Variants in CAMTA1 observed in about 807,000 individuals in gnomAD.
CAMTA1 encodes the protein calmodulin-binding transcription activator 1.
CAMTA1 carries 27 observed loss-of-function variants against 170.9 expected under a neutral mutation model. The observed-to-expected ratio is 0.16, with a 90% CI of 0.12 to 0.22. The LOEUF (loss-of-function observed/expected upper bound fraction) is 0.22. CAMTA1 is among the 10% of genes least tolerant of loss of function. The probability of loss-of-function intolerance (pLI) is 1.00; values close to 1 mark genes in which losing one functional copy is unlikely to be tolerated. For synonymous variants in CAMTA1, 833 were observed against 891.5 expected, an observed-to-expected ratio of 0.93 and a Z score of 1.17; for missense variants, 1,619 against 2,217.2, an observed-to-expected ratio of 0.73 and a Z score of 5.42.
chr1:6,904,966 A>G (rs1477959853), intron 3 of CAMTA1, among the ~76,000 whole-genome samples: 2 of 151,080 alleles, frequency 1.3e-5, no homozygotes, highest in African/African-American at 4.9e-5. Context: ...TCTTTCTCCA[A>G]CAGGTTATTC....
At position 7,664,730 on chromosome 1, in the gene CAMTA1, G is replaced by A. The variant is rs140089643; in HGVS notation, c.2183G>A (p.Arg728Gln). Reference sequence around the variant, plus strand: ...CAGCCGGAGACCAACGGGGTAATCCGAAGCGCCGGCGGCGTCCCCATCCTC... The same window carrying A: ...CAGCCGGAGACCAACGGGGTAATCCAAAGCGCCGGCGGCGTCCCCATCCTC... ...YLQPETNGVIRSAGGVPILPG... is the reference protein window; with the variant it reads ...YLQPETNGVIQSAGGVPILPG... The change falls in exon 9 of 23, where the codon CGA (arginine) becomes CAA (glutamine). Residue 728 changes from arginine to glutamine, a missense_variant. Physicochemically the swap from Arg to Gln is conservative, Grantham distance 43. Around this residue, in one of 8 missense-constraint regions of CAMTA1, gnomAD observed 731 missense variants for 907.6 expected, o/e 0.81. Coordinates refer to ENST00000303635, the MANE Select transcript of CAMTA1 (RefSeq NM_015215.4). 4.5e-5 allele frequency: 72 copies of A among 1,608,258 alleles called. No individual in the cohort carries two copies. The highest frequency in any genetic ancestry group is 7.7e-5 in the South Asian group (7 of 90,854).
At chr1:7,637,939 C>T (rs1407967082) in intron 6 of CAMTA1, among the ~76,000 whole-genome samples, 1 of 152,216 alleles carries the variant, frequency 6.6e-6, no homozygotes, top group Non-Finnish European at 1.5e-5. Flanking sequence ...TCCAGAAAAG[C>T]CGCCATTAAG....
chr1:7,577,567 T>G (rs1438592765), intron 6 of CAMTA1, among the ~76,000 whole-genome samples: 1 of 152,172 alleles, frequency 6.6e-6, no homozygotes, highest in South Asian at 2.1e-4. Flanking sequence ...CAACCCTTTT[T>G]TTTTTTAAGC....
At chr1:7,218,720 A>G (rs75256738) in intron 4 of CAMTA1, among the ~76,000 whole-genome samples, 2,327 of 152,130 alleles carry the variant, frequency 0.015, 38 homozygotes, top group Admixed American at 0.042. Context: ...TAAACTCTCC[A>G]TGCTCGACGT....
rs1341126263 is a variant in CAMTA1, at chr1:7,325,750, T to TA, written c.438+76125dup. Among the ~76,000 whole-genome samples, 1 of 152,216 alleles carries TA rather than the reference T, an allele frequency of 6.6e-6. No individual in the cohort carries two copies. Among genetic ancestry groups the TA allele is most frequent in the Non-Finnish European group, 1.5e-5 (1 of 68,038 alleles). ...AAGCATGGGAGATCTGCTGTGGACA[T>TA]ACTGCATTTGAGATGCCTCAAAAAT... is the stretch of plus-strand genomic sequence containing the variant. On this transcript the variant is annotated intron_variant, in intron 5 of 22. Coordinates refer to ENST00000303635, the MANE Select transcript of CAMTA1 (RefSeq NM_015215.4). The surrounding 1 kb of genome is among the most constrained non-coding windows in gnomAD (Gnocchi z 5.0).
chr1:7,673,713 A>C lies in CAMTA1; in HGVS notation c.2779+2676A>C, dbSNP rs1452931746. The stretch of plus-strand genomic sequence containing the variant: ...ACTCTGTCTTCAGCTAACTCCACAA[A>C]GGGGGCCTCCTTTGGACATCTCTGC... On this transcript the variant is annotated intron_variant, in intron 10 of 22. Transcript: ENST00000303635. The surrounding 1 kb of genome is among the most constrained non-coding windows in gnomAD (Gnocchi z 4.6). Among the ~76,000 whole-genome samples the C allele has an allele frequency of 6.6e-6, 1 of 152,214 alleles. No individual in the cohort carries two copies. The highest frequency in any genetic ancestry group is 1.5e-5 in the Non-Finnish European group (1 of 68,042).
At chr1:7,499,168 ATG>A (rs1275967202) in intron 6 of CAMTA1, among the ~76,000 whole-genome samples, 2 of 20,120 alleles carry the variant, frequency 9.9e-5, no homozygotes, top group Non-Finnish European at 1.7e-4. Context: ...GTGTGTGTGC[ATG>A]TGTGTCCATG....
Position 6,954,954 on chromosome 1 carries a change from T to C in CAMTA1, c.234+129744T>C, listed in dbSNP as rs1689178515. 1.3e-5 allele frequency among the ~76,000 whole-genome samples: 2 copies of C among 152,278 alleles called. 1 individual carries two copies. Among genetic ancestry groups the C allele is most frequent in the South Asian group, 4.1e-4 (2 of 4,826 alleles). ...TGTGCCTGTTTTCCAGGTCACCGTT[T>C]CGATTTCGCTTCACTTCCTAGTGTT... On this transcript the variant is annotated intron_variant, in intron 3 of 22. Transcript: ENST00000303635.
intron 5 of CAMTA1, among the ~76,000 whole-genome samples, chr1:7,437,418 G>T (rs1028528937): frequency 1.3e-5 from 2 of 152,164 alleles, no homozygotes; most frequent in Admixed American, 1.3e-4. Flanking sequence ...GCTGGGAGAA[G>T]CCTCATCTGA....
intron 5 of CAMTA1, among the ~76,000 whole-genome samples, chr1:7,280,220 C>G (rs780050563): frequency 2.6e-5 from 4 of 152,246 alleles, no homozygotes; most frequent in Non-Finnish European, 5.9e-5. Flanking sequence ...ACACTCATTT[C>G]CTTTGCCCCA....
intron 3 of CAMTA1, among the ~76,000 whole-genome samples, chr1:7,008,906 A>T (rs1213167894): frequency 2.0e-5 from 3 of 152,252 alleles, no homozygotes; most frequent in African/African-American, 7.2e-5. Context: ...TTAATGTTTT[A>T]GTGTTAGAGA....
At chr1:7,632,667 G>A (rs910431890) in intron 6 of CAMTA1, among the ~76,000 whole-genome samples, 2 of 152,266 alleles carry the variant, frequency 1.3e-5, no homozygotes, top group South Asian at 2.1e-4. Context: ...TGGAGGAGCC[G>A]AGGCCAGGGC....
chr1:6,865,839 A>AC (rs1482310633), intron 3 of CAMTA1, among the ~76,000 whole-genome samples: 1 of 152,148 alleles, frequency 6.6e-6, no homozygotes, highest in Non-Finnish European at 1.5e-5. Flanking sequence ...TATAACCTGA[A>AC]CCCAGGTTCA....
intron 5 of CAMTA1, among the ~76,000 whole-genome samples, chr1:7,386,922 C>T (rs2088070766): frequency 6.6e-6 from 1 of 152,226 alleles, no homozygotes; most frequent in South Asian, 2.1e-4. Context: ...ACGTTCAGTG[C>T]TGCTGCCTGC....
chr1:7,186,327 TATA>T (rs1653260257), intron 4 of CAMTA1, among the ~76,000 whole-genome samples: 1 of 152,212 alleles, frequency 6.6e-6, no homozygotes, highest in Admixed American at 6.5e-5. Context: ...AGTGGGCTAG[TATA>T]ATATCTTTCT....
At chr1:7,068,295 A>G (rs1260062886) in intron 3 of CAMTA1, among the ~76,000 whole-genome samples, 1 of 152,014 alleles carries the variant, frequency 6.6e-6, no homozygotes, top group Non-Finnish European at 1.5e-5. Flanking sequence ...CAAGACGCTT[A>G]AGATGCTTGG....
chr1:7,152,795 C>T (rs1387053109), intron 4 of CAMTA1, among the ~76,000 whole-genome samples: 1 of 152,192 alleles, frequency 6.6e-6, no homozygotes, highest in Non-Finnish European at 1.5e-5. Flanking sequence ...GTTTCATTTG[C>T]CCTGATTAAT....
intron 4 of CAMTA1, among the ~76,000 whole-genome samples, chr1:7,155,730 G>A (rs556708523): frequency 6.6e-6 from 1 of 152,228 alleles, no homozygotes; most frequent in Admixed American, 6.5e-5. Context: ...TGCAGCCAGT[G>A]AGCCATGAGG....
At chr1:7,271,827 ATAC>A (rs1669858569) in intron 5 of CAMTA1, among the ~76,000 whole-genome samples, 1 of 152,144 alleles carries the variant, frequency 6.6e-6, no homozygotes. Flanking sequence ...TATAAAAAGA[ATAC>A]TATGAACAGC....
Sources: gnomAD v4.1 joint callset for allele counts (sites outside exome capture counted in the v4.1 genomes callset) on GRCh38, gnomAD v4.1.1 for gene constraint, gnomAD v4.1.1 regional missense constraint, Gnocchi (gnomAD v3.1) non-coding constraint, MANE v1.5 for transcripts, NCBI Gene and HGNC (gene_info 2026-07-23, HGNC 2026-07-21) for gene names.